The following DEFB112 variants were observed in gnomAD, a reference collection of about 807,000 sequenced individuals.
DEFB112 encodes the protein beta-defensin 112.
Under a neutral mutation model 1.1 loss-of-function variants are expected in DEFB112, and 2 were observed. That is an observed-to-expected ratio of 1.85 (90% CI 0.76 to 5.83). DEFB112 has a LOEUF of 5.83. DEFB112 is among the 30% of genes most tolerant of loss of function. DEFB112 has a pLI of 0.05. For missense variants in DEFB112, 120 were observed against 94.4 expected (o/e 1.27, Z -1.12); for synonymous variants, 40 against 31.2 (o/e 1.28, Z -0.93).
In DEFB112 at chr6:50,049,828, T is replaced by C. The variant is rs916567935; in HGVS notation, c.42A>G (p.Gly14=). ...LLFFCILLFF[G]VLIPPARSEG... ...TCATATTACCTGGTGGAATAAGGAC[T>C]CCAAAGAAAAGCAAAATACAGAAAA... Residue 14 remains glycine, a synonymous_variant, in exon 1 of 2, where the codon GGA becomes GGG. Transcript: ENST00000651554. Among the ~76,000 whole-genome samples, 1 of 152,010 alleles carries C rather than the reference T, an allele frequency of 6.6e-6. No homozygotes were observed. Among genetic ancestry groups the C allele is most frequent in the African/African-American group, 2.4e-5 (1 of 41,388 alleles).
At chr6:50,048,529 T>A (rs1421325253) in intron 1 of DEFB112, 2 of 1,603,218 alleles carry the variant, frequency 1.2e-6, no homozygotes, top group Admixed American at 3.3e-5. Context: ...CTACTTATTT[T>A]GTTTTACCTG....
At chr6:50,046,157 T>C (rs1158094734) in intron 1 of DEFB112, among the ~76,000 whole-genome samples, 1 of 151,850 alleles carries the variant, frequency 6.6e-6, no homozygotes, top group Non-Finnish European at 1.5e-5. Flanking sequence ...CCACTTTCAA[T>C]TGATGATATT....
intron 1 of DEFB112, among the ~76,000 whole-genome samples, chr6:50,046,221 CTGTGTGTGTGTGTGTGTGTGTG>C (rs3057286): frequency 7.1e-6 from 1 of 141,164 alleles, no homozygotes; most frequent in African/African-American, 2.6e-5. Flanking sequence ...TTGAGGAGCA[CTGTGTGTGTGTGTGTGTGTGTG>C]TGTGTGTGTG....
At chr6:50,044,322 T>C (rs559945993) in intron 1 of DEFB112, among the ~76,000 whole-genome samples, 1 of 152,112 alleles carries the variant, frequency 6.6e-6, no homozygotes, top group Non-Finnish European at 1.5e-5. Context: ...GCTAAAAAAA[T>C]AGACACTTTG....
chr6:50,048,889 A>C (rs1383472384), intron 1 of DEFB112, among the ~76,000 whole-genome samples: 1 of 152,162 alleles, frequency 6.6e-6, no homozygotes, highest in Non-Finnish European at 1.5e-5. Flanking sequence ...ATTGTTAGGA[A>C]AAATAAATTA....
At chr6:50,048,052 C>T (rs1774864132) in intron 1 of DEFB112, among the ~76,000 whole-genome samples, 1 of 151,436 alleles carries the variant, frequency 6.6e-6, no homozygotes, top group Non-Finnish European at 1.5e-5. Flanking sequence ...GAGGCTGAAG[C>T]AGGAGAATTG....
Position 50,043,703 on chromosome 6 carries a change from T to G in DEFB112, c.157A>C (p.Ile53Leu). Residue 53 changes from isoleucine (I) to leucine (L), a missense_variant, in exon 2 of 2, where the codon ATT (isoleucine) becomes CTT (leucine). By Grantham distance (5) the Ile-to-Leu change is conservative. Coordinates refer to ENST00000651554, the MANE Select transcript of DEFB112 (RefSeq NM_001369057.2). The stretch of plus-strand genomic sequence containing the variant: ...GTTGTAGGTCTTGCACAGTATGAAA[T>G]CCTAAATTCACTATCATCACATTGA... Reference protein sequence around the residue: ...KNQCDDSEFRISYCARPTTHC... With the variant: ...KNQCDDSEFRLSYCARPTTHC... 2 of 1,613,518 alleles carry G rather than the reference T, an allele frequency of 1.2e-6. No homozygotes were observed. Among genetic ancestry groups the G allele is most frequent in the Non-Finnish European group, 1.7e-6 (2 of 1,179,604 alleles).
chr6:50,043,787 G>A lies in DEFB112; in HGVS notation c.73C>T (p.His25Tyr). The A allele has an allele frequency of 1.2e-6, 2 of 1,613,244 alleles. No homozygotes were observed. Among genetic ancestry groups the A allele is most frequent in the South Asian group, 2.2e-5 (2 of 91,038 alleles). The stretch of plus-strand genomic sequence containing the variant: ...TTCCACCTACTAAAGGTGATATGGT[G>A]CCCTTCACTTCTGGCTGAAAGAAGG... ...VLIPPARSEG[H>Y]HITFSRWKSC... is the part of the protein sequence containing the mutation. The change falls in exon 2 of 2, where the codon CAC (histidine) becomes TAC (tyrosine). Residue 25 changes from histidine (H) to tyrosine (Y), a missense_variant. Transcript: ENST00000651554.
In DEFB112 at chr6:50,043,275, A is replaced by G. The variant is rs1774775159; in HGVS notation, c.*300T>C. Among the ~76,000 whole-genome samples, 1 of 152,006 alleles carries G rather than the reference A, an allele frequency of 6.6e-6. No individual in the cohort carries two copies. The highest frequency in any genetic ancestry group is 2.4e-5 in the African/African-American group (1 of 41,430). ...CTTGATAATACCTCACTAATGACTC[A>G]TAATATGCTTTTCACACTAAATAAG... On this transcript the variant is annotated 3_prime_UTR_variant, in exon 2 of 2. Transcript: ENST00000651554.
rs933346642 is a variant in DEFB112 at position 50,042,158 on chromosome 6, A to G, written c.*1417T>C. On this transcript the variant is annotated 3_prime_UTR_variant, in exon 2 of 2. Transcript: ENST00000651554. ...TATCCTACCACAGATACATTAAATT[A>G]TAGTATAGGTATACTGTGAGACCCC... is the stretch of plus-strand genomic sequence containing the variant. Among the ~76,000 whole-genome samples the G allele has an allele frequency of 1.3e-5, 2 of 152,066 alleles. No individual in the cohort carries two copies. Among genetic ancestry groups the G allele is most frequent in the African/African-American group, 2.4e-5 (1 of 41,436 alleles).
At chr6:50,044,768 G>A (rs1774805894) in intron 1 of DEFB112, among the ~76,000 whole-genome samples, 1 of 152,114 alleles carries the variant, frequency 6.6e-6, no homozygotes, top group African/African-American at 2.4e-5. Context: ...ACTAATATAA[G>A]CATGCATTGC....
chr6:50,047,067 A>C lies in DEFB112; in HGVS notation c.58+2745T>G, dbSNP rs1324513. ...TTGGTGTTGGGGGGATCCAGAGCCC[A>C]GGAACACTGGGGCCAGCCTAGCTCT... is the stretch of plus-strand genomic sequence containing the variant. On this transcript the variant is annotated intron_variant, in intron 1 of 1. Transcript: ENST00000651554. Among the ~76,000 whole-genome samples, 3 of 152,196 alleles carry C rather than the reference A, an allele frequency of 2.0e-5. No homozygotes were observed. In the East Asian group the frequency reaches 5.8e-4, roughly 29 times the overall value.
At position 50,043,651 on chromosome 6, in the gene DEFB112, G is replaced by A. The variant is rs75726022; in HGVS notation, c.209C>T (p.Pro70Leu). The A allele has an allele frequency of 2.5e-6, 4 of 1,613,486 alleles. No individual in the cohort carries two copies. The highest frequency in any genetic ancestry group is 1.7e-5 in the Admixed American group (1 of 59,968). The part of the protein sequence containing the change: ...TTHCCVTECD[P>L]TDPNNWIPKD... ...TGGGATCCAATTATTTGGGTCCGTA[G>A]GGTCACATTCTGTCACGCAGCAATG... is the stretch of plus-strand genomic sequence containing the variant. The change falls in exon 2 of 2, where the codon CCT becomes CTT. Residue 70 changes from proline (P) to leucine (L), a missense_variant. Pro to Leu is a moderately conservative substitution (Grantham distance 98). Transcript: ENST00000651554.
intron 1 of DEFB112, among the ~76,000 whole-genome samples, chr6:50,048,351 T>C (rs1456541862): frequency 6.6e-6 from 1 of 152,186 alleles, no homozygotes; most frequent in East Asian, 1.9e-4. Flanking sequence ...CTCTACAACC[T>C]TAAAATAAGA....
intron 1 of DEFB112, among the ~76,000 whole-genome samples, chr6:50,046,424 A>T (rs1050382674): frequency 2.0e-5 from 3 of 152,164 alleles, no homozygotes; most frequent in African/African-American, 7.2e-5. Flanking sequence ...TATTTGCTAC[A>T]GGGAGAATTT....
chr6:50,044,666 T>G (rs182585326), intron 1 of DEFB112, among the ~76,000 whole-genome samples: 5 of 152,144 alleles, frequency 3.3e-5, no homozygotes, highest in Admixed American at 3.3e-4. Flanking sequence ...AGCCAGGTTT[T>G]GAATCTATAT....
intron 1 of DEFB112, among the ~76,000 whole-genome samples, chr6:50,047,064 C>A (rs1324448479): frequency 2.0e-5 from 3 of 152,118 alleles, no homozygotes; most frequent in African/African-American, 7.2e-5. Context: ...GGATCCAGAG[C>A]CCAGGAACAC....
chr6:50,048,639 T>C (rs1328487564), intron 1 of DEFB112: 1 of 1,611,198 alleles, frequency 6.2e-7, no homozygotes, highest in Non-Finnish European at 8.5e-7. Flanking sequence ...CATATGGTTG[T>C]CAATAATTTC....
At chr6:50,044,648 C>A (rs1358481954) in intron 1 of DEFB112, among the ~76,000 whole-genome samples, 1 of 151,990 alleles carries the variant, frequency 6.6e-6, no homozygotes, top group Non-Finnish European at 1.5e-5. Flanking sequence ...TAGCACATAT[C>A]ACTGGAGAGC....
Sources: gnomAD v4.1 joint callset for allele counts (sites outside exome capture counted in the v4.1 genomes callset) on GRCh38, gnomAD v4.1.1 for gene constraint, MANE v1.5 for transcripts, NCBI Gene and HGNC (gene_info 2026-07-23, HGNC 2026-07-21) for gene names.